The following ANKS1B variants were observed in gnomAD, a reference collection of about 807,000 sequenced individuals.
The protein encoded by ANKS1B is ankyrin repeat and sterile alpha motif domain-containing protein 1B.
ANKS1B carries 36 observed loss-of-function variants against 148.3 expected under a neutral mutation model. The ratio of observed to expected loss-of-function variants is 0.24; its 90% CI spans 0.19 to 0.32. The LOEUF (loss-of-function observed/expected upper bound fraction) is 0.32. Among genes scored for constraint, ANKS1B ranks in the 10% least tolerant of loss-of-function variants. The probability of loss-of-function intolerance (pLI) is 1.00; values close to 1 mark genes in which losing one functional copy is unlikely to be tolerated. For missense variants in ANKS1B, 1,157 were observed against 1,542.6 expected (o/e 0.75, Z 4.19); for synonymous variants, 542 against 560.8 (o/e 0.97, Z 0.47).
At chr12:98,821,842 A>C (rs2099195816) in intron 19 of ANKS1B, among the ~76,000 whole-genome samples, 1 of 151,622 alleles carries the variant, frequency 6.6e-6, no homozygotes, top group African/African-American at 2.4e-5. Flanking sequence ...TCCTGGCCTC[A>C]AGTGATCCAC....
chr12:98,765,555 C>T (rs1270850576), intron 25 of ANKS1B, among the ~76,000 whole-genome samples: 1 of 151,508 alleles, frequency 6.6e-6, no homozygotes, highest in Non-Finnish European at 1.5e-5. Context: ...TAAGCCACTG[C>T]ACCTGGCCTT....
chr12:98,816,042 C>T (rs1455791099), intron 19 of ANKS1B, among the ~76,000 whole-genome samples: 1 of 152,138 alleles, frequency 6.6e-6, no homozygotes, highest in Non-Finnish European at 1.5e-5. Flanking sequence ...TCCTCTCCTA[C>T]CCATCTTCGT....
At chr12:99,318,362 A>G (rs2084564441) in intron 12 of ANKS1B, among the ~76,000 whole-genome samples, 2 of 152,196 alleles carry the variant, frequency 1.3e-5, no homozygotes, top group South Asian at 4.1e-4. Context: ...TGGTCTATTC[A>G]GGGATTCAAC....
At chr12:99,457,992 G>A (rs890521568) in intron 10 of ANKS1B, among the ~76,000 whole-genome samples, 2 of 151,924 alleles carry the variant, frequency 1.3e-5, no homozygotes. Flanking sequence ...CATCAGCACA[G>A]GGGACATTCT....
chr12:98,909,148 C>T (rs2099783335), intron 17 of ANKS1B, among the ~76,000 whole-genome samples: 2 of 152,100 alleles, frequency 1.3e-5, no homozygotes, highest in Admixed American at 6.5e-5. Context: ...GTTCAGGCCA[C>T]GCATTTCTGG....
chr12:99,636,679 CAG>C (rs1391837472), intron 9 of ANKS1B, among the ~76,000 whole-genome samples: 2 of 152,076 alleles, frequency 1.3e-5, no homozygotes, highest in African/African-American at 2.4e-5. Flanking sequence ...AACAAGAAGG[CAG>C]AGTGTTGTCT....
intron 22 of ANKS1B, chr12:98,794,875 C>T (rs1420187304): frequency 5.0e-6 from 8 of 1,601,952 alleles, no homozygotes; most frequent in African/African-American, 1.3e-5. Context: ...AAACATCCAT[C>T]TTATCCGAGC....
intron 17 of ANKS1B, among the ~76,000 whole-genome samples, chr12:99,013,724 C>G (rs534965535): frequency 1.3e-5 from 2 of 152,248 alleles, no homozygotes; most frequent in African/African-American, 4.8e-5. Context: ...CAACAACAGT[C>G]AAGCTGAGAG....
chr12:99,044,508 A>T (rs1464627842), intron 17 of ANKS1B, among the ~76,000 whole-genome samples: 1 of 152,156 alleles, frequency 6.6e-6, no homozygotes, highest in Non-Finnish European at 1.5e-5. Flanking sequence ...CTGAGAGTCC[A>T]GGGCAGGTGA....
At chr12:99,537,922 T>C (rs1296790873) in intron 9 of ANKS1B, among the ~76,000 whole-genome samples, 1 of 152,154 alleles carries the variant, frequency 6.6e-6, no homozygotes, top group African/African-American at 2.4e-5. Context: ...TCATTTTTAT[T>C]TGATTTTTGT....
chr12:99,978,386 C>T (rs2095653757), intron 1 of ANKS1B, among the ~76,000 whole-genome samples: 1 of 152,158 alleles, frequency 6.6e-6, no homozygotes, highest in African/African-American at 2.4e-5. Context: ...GAGGTCAATA[C>T]CAAAATTCAC....
At chr12:99,749,695 G>A (rs2060927987) in intron 8 of ANKS1B, among the ~76,000 whole-genome samples, 1 of 151,904 alleles carries the variant, frequency 6.6e-6, no homozygotes, top group African/African-American at 2.4e-5. Flanking sequence ...CTGAACACAA[G>A]GCCATTTCAA....
intron 17 of ANKS1B, among the ~76,000 whole-genome samples, chr12:98,861,092 T>C (rs2099597030): frequency 6.6e-6 from 1 of 152,170 alleles, no homozygotes; most frequent in Non-Finnish European, 1.5e-5. Flanking sequence ...CCTCCAGAGT[T>C]AGGTAGGCGG....
At chr12:99,048,938 G>C (rs1390398901) in intron 17 of ANKS1B, 1 of 152,170 alleles carries the variant, frequency 6.6e-6, no homozygotes, top group Non-Finnish European at 1.5e-5. Flanking sequence ...TGTCCTGAAG[G>C]CTTGTGGGGA....
chr12:98,996,917 AT>A (rs2099930032), intron 17 of ANKS1B, among the ~76,000 whole-genome samples: 1 of 151,226 alleles, frequency 6.6e-6, no homozygotes, highest in South Asian at 2.1e-4. Flanking sequence ...TAGTGTTGGA[AT>A]TACTGTTTGG....
chr12:99,116,098 A>G (rs1401681173), intron 15 of ANKS1B, among the ~76,000 whole-genome samples: 1 of 152,114 alleles, frequency 6.6e-6, no homozygotes, highest in Non-Finnish European at 1.5e-5. Context: ...ATTGTGTAGG[A>G]TTGCTGCAAG....
chr12:99,587,966 G>T (rs1006928059), intron 9 of ANKS1B, among the ~76,000 whole-genome samples: 1 of 152,106 alleles, frequency 6.6e-6, no homozygotes, highest in Non-Finnish European at 1.5e-5. Flanking sequence ...AGAAACAGGG[G>T]TGGTTAGAAT....
At chr12:99,847,588 A>G (rs1370871365) in intron 1 of ANKS1B, among the ~76,000 whole-genome samples, 1 of 152,138 alleles carries the variant, frequency 6.6e-6, no homozygotes, top group Admixed American at 6.6e-5. Flanking sequence ...TATTACCATT[A>G]AGTCATTCCC....
At chr12:99,132,948 A>G (rs913570850) in intron 15 of ANKS1B, among the ~76,000 whole-genome samples, 2 of 151,370 alleles carry the variant, frequency 1.3e-5, no homozygotes, top group Non-Finnish European at 2.9e-5. Flanking sequence ...TTCATTGAAA[A>G]CTGTGCCTTG....
Sources: gnomAD v4.1 joint callset for allele counts (sites outside exome capture counted in the v4.1 genomes callset) on GRCh38, gnomAD v4.1.1 for gene constraint, MANE v1.5 for transcripts, NCBI Gene and HGNC (gene_info 2026-07-23, HGNC 2026-07-21) for gene names.